LDLRAD4: variants seen among roughly 807,000 people sequenced by gnomAD.
The protein encoded by LDLRAD4 is low-density lipoprotein receptor class A domain-containing protein 4.
In LDLRAD4, 5 loss-of-function variants were observed where a neutral mutation model predicts 17.0. The observed-to-expected ratio is 0.29, with a 90% CI of 0.15 to 0.62. The LOEUF is 0.62. LDLRAD4 is among the 20% of genes least tolerant of loss of function. The pLI is 0.84. For synonymous variants in LDLRAD4, 168 were observed against 171.8 expected, an observed-to-expected ratio of 0.98 and a Z score of 0.17; for missense variants, 340 against 424.7, an observed-to-expected ratio of 0.80 and a Z score of 1.75.
chr18:13,230,819 G>C (rs773639828), intron 1 of LDLRAD4, among the ~76,000 whole-genome samples: 24 of 152,228 alleles, frequency 1.6e-4, no homozygotes, highest in Non-Finnish European at 2.6e-4. Context: ...TTGCCGCCCT[G>C]ACTCTCCTAG....
chr18:13,241,678 G>T (rs1403062039), intron 1 of LDLRAD4: 1 of 152,362 alleles, frequency 6.6e-6, no homozygotes, highest in Non-Finnish European at 1.5e-5. Flanking sequence ...CAATGTAGGG[G>T]TGACTGTCCC....
rs571265754 is a variant in LDLRAD4 at position 13,390,886 on chromosome 18, T to C, written c.40+3124T>C. Among the ~76,000 whole-genome samples, 7 of 152,322 alleles carry C rather than the reference T, an allele frequency of 4.6e-5. No individual in the cohort carries two copies. In the East Asian group the frequency reaches 1.2e-3, roughly 25 times the overall value. ...CTCTGGAGCTGGGTCCCTGGAGACT[T>C]GGCTCATCATTTTTATTCTTGGTCT... is the stretch of plus-strand genomic sequence containing the variant. On this transcript the variant is annotated intron_variant, in intron 2 of 5. Transcript: ENST00000359446.
At position 13,385,190 on chromosome 18, in the gene LDLRAD4, G is replaced by A. The variant is rs578054299; in HGVS notation, c.-382-2151G>A. Among the ~76,000 whole-genome samples, 10 of 152,318 alleles carry A rather than the reference G, an allele frequency of 6.6e-5. 1 individual carries two copies. The highest frequency in any genetic ancestry group is 6.5e-4 in the Admixed American group (10 of 15,308). ...TAATGACCATTCTAATGGGTGTGAG[G>A]TGATAGCTCATTGTGGCTTTAATTT... is the stretch of plus-strand genomic sequence containing the variant. On this transcript the variant is annotated intron_variant, in intron 1 of 5. Transcript: ENST00000359446.
intron 4 of LDLRAD4, among the ~76,000 whole-genome samples, chr18:13,628,059 G>A (rs1477873589): frequency 6.6e-6 from 1 of 152,212 alleles, no homozygotes; most frequent in Admixed American, 6.5e-5. Context: ...AGTGTCCTGG[G>A]ATCCCTCGGA....
chr18:13,330,364 TC>T (rs1458775645), intron 1 of LDLRAD4, among the ~76,000 whole-genome samples: 1 of 152,184 alleles, frequency 6.6e-6, no homozygotes, highest in Non-Finnish European at 1.5e-5. Flanking sequence ...TTTATTGTGA[TC>T]ATAATACATT....
chr18:13,234,084 C>T (rs1245419633), intron 1 of LDLRAD4, among the ~76,000 whole-genome samples: 1 of 152,218 alleles, frequency 6.6e-6, no homozygotes, highest in Non-Finnish European at 1.5e-5. Flanking sequence ...TCACTGTCAC[C>T]ACCAGCAGTG....
At chr18:13,374,960 C>G (rs957070119) in intron 1 of LDLRAD4, among the ~76,000 whole-genome samples, 1 of 152,160 alleles carries the variant, frequency 6.6e-6, no homozygotes, top group African/African-American at 2.4e-5. Context: ...GTCTAGCCAC[C>G]CAGCCTCCAC....
chr18:13,231,271 A>G (rs2042058200), intron 1 of LDLRAD4, among the ~76,000 whole-genome samples: 1 of 152,174 alleles, frequency 6.6e-6, no homozygotes, highest in East Asian at 1.9e-4. Context: ...AAGAAATGGC[A>G]GTGGACACAT....
intron 4 of LDLRAD4, among the ~76,000 whole-genome samples, chr18:13,624,071 C>T (rs1463634673): frequency 6.6e-6 from 1 of 152,198 alleles, no homozygotes; most frequent in African/African-American, 2.4e-5. Context: ...CTCATCTGTA[C>T]AGTGCGTCCT....
At chr18:13,576,449 GAAAGAAAGAAAT>G (rs2094774860) in intron 3 of LDLRAD4, among the ~76,000 whole-genome samples, 15 of 147,508 alleles carry the variant, frequency 1.0e-4, no homozygotes, top group East Asian at 2.0e-4. Context: ...AAGAAAGAAA[GAAAGAAAGAAAT>G]AAAGTGGATT....
chr18:13,389,769 C>T (rs537513034), intron 2 of LDLRAD4, among the ~76,000 whole-genome samples: 3 of 152,018 alleles, frequency 2.0e-5, no homozygotes, highest in African/African-American at 7.2e-5. Flanking sequence ...GCTGGGGATA[C>T]CTCTGCCCCA....
intron 2 of LDLRAD4, among the ~76,000 whole-genome samples, chr18:13,399,781 T>C (rs1026514771): frequency 2.6e-5 from 4 of 152,236 alleles, no homozygotes; most frequent in African/African-American, 9.6e-5. Flanking sequence ...AATAGTTCAT[T>C]TTTAAACAAC....
intron 2 of LDLRAD4, among the ~76,000 whole-genome samples, chr18:13,397,764 G>C (rs1031100904): frequency 3.3e-5 from 5 of 152,182 alleles, no homozygotes; most frequent in Non-Finnish European, 7.3e-5. Context: ...AGCACTCCTC[G>C]TACTGGGAGT....
intron 4 of LDLRAD4, among the ~76,000 whole-genome samples, chr18:13,632,535 G>A (rs771665180): frequency 3.9e-5 from 6 of 152,310 alleles, no homozygotes; most frequent in Admixed American, 6.5e-5. Context: ...GATGGTACCC[G>A]GAAGCTTGGA....
chr18:13,510,557 A>T (rs1257845524), intron 3 of LDLRAD4, among the ~76,000 whole-genome samples: 1 of 152,196 alleles, frequency 6.6e-6, no homozygotes, highest in Admixed American at 6.5e-5. Flanking sequence ...GTAAAAGACT[A>T]CATATTGGGT....
chr18:13,483,585 C>T (rs749994414), intron 3 of LDLRAD4, among the ~76,000 whole-genome samples: 2 of 152,190 alleles, frequency 1.3e-5, no homozygotes, highest in Non-Finnish European at 2.9e-5. Context: ...GGGTGCTGTG[C>T]CTCTCTTCCA....
At chr18:13,509,384 G>T (rs2093743408) in intron 3 of LDLRAD4, among the ~76,000 whole-genome samples, 1 of 152,196 alleles carries the variant, frequency 6.6e-6, no homozygotes, top group Non-Finnish European at 1.5e-5. Context: ...GACTCTGAGG[G>T]ATTTAAGACT....
chr18:13,557,880 A>G (rs56256804), intron 3 of LDLRAD4, among the ~76,000 whole-genome samples: 240 of 152,320 alleles, frequency 1.6e-3, no homozygotes, highest in Non-Finnish European at 3.1e-3. Flanking sequence ...AGTATGTCCA[A>G]ATTCTTGATG....
intron 1 of LDLRAD4, among the ~76,000 whole-genome samples, chr18:13,321,156 C>T (rs112437046): frequency 0.03 from 4,559 of 152,226 alleles, 175 homozygotes; most frequent in African/African-American, 0.09. Flanking sequence ...CCTGGGTCTT[C>T]TCTGGCCCAG....
Sources: allele counts gnomAD v4.1 joint callset (sites outside exome capture counted in the v4.1 genomes callset), GRCh38; gene constraint gnomAD v4.1.1; transcripts MANE v1.5; gene names NCBI Gene and HGNC (gene_info 2026-07-23, HGNC 2026-07-21).